C12orf42: variants seen among roughly 807,000 people sequenced by gnomAD.
C12orf42 encodes chromosome 12 open reading frame 42.
In C12orf42, 25 loss-of-function variants were observed where a neutral mutation model predicts 21.6. The ratio of observed to expected loss-of-function variants is 1.16; its 90% CI spans 0.84 to 1.62. C12orf42 has a LOEUF of 1.62. C12orf42 is among the 40% of genes most tolerant of loss of function. The probability of loss-of-function intolerance (pLI) is 0.00; values close to 1 mark genes in which losing one functional copy is unlikely to be tolerated. For missense variants in C12orf42, 483 were observed against 459.3 expected, an observed-to-expected ratio of 1.05 and a Z score of -0.47; for synonymous variants, 174 against 175.0, an observed-to-expected ratio of 0.99 and a Z score of 0.05.
the C12orf42 span, among the ~76,000 whole-genome samples, chr12:103,150,950 G>GT: frequency 2.0e-5 from 3 of 152,024 alleles, no homozygotes; most frequent in Non-Finnish European, 2.9e-5. Flanking sequence ...GAGTGTATCT[G>GT]TTTTTTTGAG....
intron 1 of C12orf42, among the ~76,000 whole-genome samples, chr12:103,490,206 A>T (rs953075346): frequency 1.3e-5 from 2 of 152,234 alleles, no homozygotes; most frequent in Non-Finnish European, 2.9e-5. Context: ...TGCCATTAAA[A>T]TTTAAATCTT....
At chr12:103,106,964 C>T in the C12orf42 span, among the ~76,000 whole-genome samples, 1 of 151,826 alleles carries the variant, frequency 6.6e-6, no homozygotes, top group Non-Finnish European at 1.5e-5. Flanking sequence ...AAAAGATATT[C>T]ACCAAAAGAA....
intron 10 of C12orf42, among the ~76,000 whole-genome samples, chr12:103,254,987 G>A (rs1239330258): frequency 2.0e-5 from 3 of 152,044 alleles, no homozygotes; most frequent in African/African-American, 7.2e-5. Context: ...TATTCTGTAA[G>A]TGTTTTATGC....
At chr12:103,412,714 T>C (rs940944241) in intron 2 of C12orf42, among the ~76,000 whole-genome samples, 2 of 152,202 alleles carry the variant, frequency 1.3e-5, no homozygotes, top group East Asian at 1.9e-4. Context: ...TCTCTGATGA[T>C]TAGTGATGCT....
intron 4 of C12orf42, among the ~76,000 whole-genome samples, chr12:103,361,329 G>C (rs1328709430): frequency 2.0e-5 from 3 of 152,104 alleles, no homozygotes; most frequent in Non-Finnish European, 4.4e-5. Flanking sequence ...AATTTAGAGA[G>C]CCGAGTGAAA....
the C12orf42 span, among the ~76,000 whole-genome samples, chr12:103,542,840 G>A: frequency 6.6e-6 from 1 of 152,134 alleles, no homozygotes; most frequent in African/African-American, 2.4e-5. Context: ...CACTTTTAAG[G>A]TCTACTATCT....
the C12orf42 span, chr12:103,558,263 G>T: frequency 6.6e-6 from 1 of 152,122 alleles, no homozygotes; most frequent in Admixed American, 6.5e-5. Flanking sequence ...TAAATCAATT[G>T]ATATCACTTC....
chr12:103,244,650 T>C (rs2136177740), intron 10 of C12orf42, among the ~76,000 whole-genome samples: 1 of 152,220 alleles, frequency 6.6e-6, no homozygotes, highest in Middle Eastern at 3.4e-3. Flanking sequence ...ATAACTATAC[T>C]ATAAATAACC....
chr12:103,554,277 G>A, the C12orf42 span, among the ~76,000 whole-genome samples: 2 of 152,112 alleles, frequency 1.3e-5, no homozygotes, highest in African/African-American at 4.8e-5. Context: ...TATAAGAGTA[G>A]CCTGGAAAGA....
chr12:103,537,165 T>C, the C12orf42 span, among the ~76,000 whole-genome samples: 1 of 152,162 alleles, frequency 6.6e-6, no homozygotes, highest in Non-Finnish European at 1.5e-5. Context: ...GTGTTTTTTA[T>C]TTATGTTCCC....
intron 10 of C12orf42, among the ~76,000 whole-genome samples, chr12:103,254,133 C>T: frequency 6.6e-6 from 1 of 151,898 alleles, no homozygotes; most frequent in Admixed American, 6.6e-5. Flanking sequence ...GTCTTTAATC[C>T]ATCTTGAGTT....
intron 2 of C12orf42, among the ~76,000 whole-genome samples, chr12:103,424,237 G>A (rs1949611676): frequency 6.6e-6 from 1 of 152,200 alleles, no homozygotes. Context: ...ATGAGCTAAT[G>A]AATCTACGAA....
chr12:103,502,064 C>T, the C12orf42 span, among the ~76,000 whole-genome samples: 3 of 152,136 alleles, frequency 2.0e-5, no homozygotes, highest in Admixed American at 1.3e-4. Flanking sequence ...TTTGTACTCA[C>T]CTTTTTTATC....
intron 4 of C12orf42, among the ~76,000 whole-genome samples, chr12:103,319,859 A>G (rs1324560772): frequency 6.6e-6 from 1 of 152,160 alleles, no homozygotes; most frequent in East Asian, 1.9e-4. Context: ...CTTCCATGTC[A>G]TTTCCATCAA....
intron 4 of C12orf42, among the ~76,000 whole-genome samples, chr12:103,354,056 A>AG (rs1261637916): frequency 6.6e-6 from 1 of 152,138 alleles, no homozygotes; most frequent in East Asian, 1.9e-4. Context: ...ACAAACTAAG[A>AG]TGATTTGAAT....
At chr12:103,147,243 G>A in the C12orf42 span, among the ~76,000 whole-genome samples, 112 of 152,234 alleles carry the variant, frequency 7.4e-4, 1 homozygote, top group Non-Finnish European at 5.4e-4. Flanking sequence ...ATTAAGTCTC[G>A]AAGGAGGAAA....
the C12orf42 span, among the ~76,000 whole-genome samples, chr12:103,522,499 G>C: frequency 6.6e-6 from 1 of 152,040 alleles, no homozygotes; most frequent in Non-Finnish European, 1.5e-5. Context: ...CATCTCTCAT[G>C]GCTCTCCAGC....
At chr12:103,485,233 T>A (rs1458351721) in intron 1 of C12orf42, among the ~76,000 whole-genome samples, 1 of 152,226 alleles carries the variant, frequency 6.6e-6, no homozygotes, top group Non-Finnish European at 1.5e-5. Context: ...TAGGGAATAC[T>A]TTCCCCATTT....
intron 5 of C12orf42, among the ~76,000 whole-genome samples, chr12:103,276,380 T>C (rs536468627): frequency 3.3e-5 from 5 of 152,300 alleles, no homozygotes; most frequent in Non-Finnish European, 7.4e-5. Context: ...ATGTTAATCC[T>C]TGATAATTAC....
Sources: allele counts gnomAD v4.1 joint callset (sites outside exome capture counted in the v4.1 genomes callset), GRCh38; gene constraint gnomAD v4.1.1; transcripts MANE v1.5; gene names NCBI Gene and HGNC (gene_info 2026-07-23, HGNC 2026-07-21).